The following CDH13 variants were observed in gnomAD, a reference collection of about 807,000 sequenced individuals.
CDH13 encodes cadherin 13, also known as cadherin-13.
CDH13 carries 24 observed loss-of-function variants against 63.8 expected under a neutral mutation model. That is an observed-to-expected ratio of 0.38 (90% CI 0.27 to 0.53). The LOEUF is 0.53. Among genes scored for constraint, CDH13 ranks in the 20% least tolerant of loss-of-function variants. The pLI is 0.85. For synonymous variants in CDH13, 503 were observed against 355.3 expected, an observed-to-expected ratio of 1.42 and a Z score of -4.67; for missense variants, 1,049 against 903.1, an observed-to-expected ratio of 1.16 and a Z score of -2.07.
intron 7 of CDH13, among the ~76,000 whole-genome samples, chr16:83,554,068 T>C (rs2075559151): frequency 6.6e-6 from 1 of 152,208 alleles, no homozygotes; most frequent in African/African-American, 2.4e-5. Flanking sequence ...TCAAAAGGTA[T>C]GATCATTTTA....
intron 5 of CDH13, among the ~76,000 whole-genome samples, chr16:83,271,155 A>G (rs1428446468): frequency 2.0e-5 from 3 of 152,014 alleles, no homozygotes; most frequent in African/African-American, 7.3e-5. Context: ...CCACTGATAC[A>G]TGTACCTTTG....
intron 5 of CDH13, among the ~76,000 whole-genome samples, chr16:83,303,655 C>T (rs945423469): frequency 1.3e-5 from 2 of 152,050 alleles, no homozygotes; most frequent in South Asian, 2.1e-4. Context: ...GAAACTTCAA[C>T]GAACAGCCTT....
intron 8 of CDH13, among the ~76,000 whole-genome samples, chr16:83,652,408 G>T (rs7203779): frequency 6.6e-6 from 1 of 152,106 alleles, no homozygotes; most frequent in Non-Finnish European, 1.5e-5. Flanking sequence ...GCTTTCTCCA[G>T]TTAGAGACGG....
intron 6 of CDH13, among the ~76,000 whole-genome samples, chr16:83,421,585 C>T (rs770284836): frequency 2.4e-4 from 37 of 152,206 alleles, no homozygotes; most frequent in Non-Finnish European, 4.9e-4. Context: ...ATGATCTTTT[C>T]TTCCATCAGG....
At chr16:83,496,602 C>G (rs2151578845) in intron 7 of CDH13, among the ~76,000 whole-genome samples, 1 of 152,226 alleles carries the variant, frequency 6.6e-6, no homozygotes, top group Non-Finnish European at 1.5e-5. Context: ...TAGGCATGGG[C>G]AAGGACTTCA....
chr16:82,925,906 C>G (rs2151287697), intron 2 of CDH13: 1 of 152,182 alleles, frequency 6.6e-6, no homozygotes, highest in East Asian at 1.9e-4. Context: ...CTACAAACTC[C>G]TTTTGTTAGG....
intron 1 of CDH13, among the ~76,000 whole-genome samples, chr16:82,779,381 A>T (rs534650971): frequency 4.8e-4 from 73 of 152,132 alleles, no homozygotes; most frequent in African/African-American, 1.7e-3. Context: ...CGCTTTGAGA[A>T]TTTCTGTGCA....
chr16:82,636,505 A>G (rs1277087778), intron 1 of CDH13, among the ~76,000 whole-genome samples: 2 of 152,220 alleles, frequency 1.3e-5, no homozygotes. Flanking sequence ...AACATTGCCA[A>G]GCCCTTTAAT....
intron 2 of CDH13, among the ~76,000 whole-genome samples, chr16:82,971,966 A>G (rs1597330183): frequency 1.3e-5 from 2 of 152,220 alleles, no homozygotes; most frequent in East Asian, 3.9e-4. Context: ...TGAGGCACTA[A>G]CCCTCTAGCC....
At chr16:82,890,105 C>T (rs1038761901) in intron 2 of CDH13, among the ~76,000 whole-genome samples, 5 of 152,218 alleles carry the variant, frequency 3.3e-5, no homozygotes, top group Admixed American at 6.5e-5. Context: ...TCCCAGCCTT[C>T]GTGATTCTAG....
intron 3 of CDH13, among the ~76,000 whole-genome samples, chr16:83,107,345 T>C (rs1597349122): frequency 6.6e-6 from 1 of 151,962 alleles, no homozygotes; most frequent in Non-Finnish European, 1.5e-5. Context: ...GTGGTGGTGG[T>C]GATTCTCTCC....
intron 7 of CDH13, among the ~76,000 whole-genome samples, chr16:83,595,913 G>T (rs927120379): frequency 2.6e-5 from 4 of 152,210 alleles, no homozygotes; most frequent in African/African-American, 9.7e-5. Flanking sequence ...ACAGTGGAAT[G>T]AGTTACAGAA....
Position 83,069,536 on chromosome 16 carries a change from A to G in CDH13, c.366+37318A>G, listed in dbSNP as rs142769708. 3.7e-4 allele frequency among the ~76,000 whole-genome samples: 57 copies of G among 152,322 alleles called. No homozygotes were observed. In the Middle Eastern group the frequency reaches 0.01, roughly 27 times the overall value. ...TGAAAAGCTGAGGCATGAAGAGGGT[A>G]AGTCACCATCCAAAGTCACCTATCT... On this transcript the variant is annotated intron_variant, in intron 3 of 13. Transcript: ENST00000567109.
At position 83,600,143 on chromosome 16, in the gene CDH13, A is replaced by T. The variant is rs769064093; in HGVS notation, c.961-2311A>T. On this transcript the variant is annotated intron_variant, in intron 7 of 13. Transcript: ENST00000567109. ...TACCAGAATTCTTGAACCAGGCAGA[A>T]CCAGGGCAGATGGCATCTCAAGCAC... 1.6e-4 allele frequency among the ~76,000 whole-genome samples: 24 copies of T among 152,290 alleles called. 1 individual carries two copies. In the Middle Eastern group the frequency reaches 0.014, roughly 86 times the overall value.
intron 2 of CDH13, chr16:82,953,689 T>C (rs1309604200): frequency 6.6e-6 from 1 of 152,102 alleles, no homozygotes; most frequent in Non-Finnish European, 1.5e-5. Context: ...CTGGAGTCAA[T>C]TGGATGGAAA....
At chr16:82,935,825 G>A (rs2042649613) in intron 2 of CDH13, among the ~76,000 whole-genome samples, 1 of 152,178 alleles carries the variant, frequency 6.6e-6, no homozygotes, top group Non-Finnish European at 1.5e-5. Flanking sequence ...CACACGAGGA[G>A]TTTAGGAGTG....
chr16:82,849,343 A>G (rs374743624), intron 1 of CDH13, among the ~76,000 whole-genome samples: 1 of 152,060 alleles, frequency 6.6e-6, no homozygotes, highest in African/African-American at 2.4e-5. Context: ...CTCTACTAAA[A>G]CTACAAAAAT....
chr16:83,358,945 T>C (rs375561957), intron 6 of CDH13, among the ~76,000 whole-genome samples: 2 of 152,322 alleles, frequency 1.3e-5, no homozygotes, highest in South Asian at 4.1e-4. Flanking sequence ...CTAGTACTAA[T>C]AATCTGAAGA....
intron 4 of CDH13, chr16:83,181,009 C>T: frequency 2.6e-6 from 4 of 1,523,218 alleles, no homozygotes; most frequent in Non-Finnish European, 3.5e-6. Flanking sequence ...AAATCACAAA[C>T]ATTTTACTTC....
Sources: allele counts gnomAD v4.1 joint callset (sites outside exome capture counted in the v4.1 genomes callset), GRCh38; gene constraint gnomAD v4.1.1; transcripts MANE v1.5; gene names NCBI Gene and HGNC (gene_info 2026-07-23, HGNC 2026-07-21).